CADPS2: variants seen among roughly 807,000 people sequenced by gnomAD.
The protein encoded by CADPS2 is calcium-dependent secretion activator 2.
CADPS2 carries 93 observed loss-of-function variants against 172.5 expected under a neutral mutation model. The observed-to-expected ratio is 0.54, with a 90% CI of 0.46 to 0.64. The LOEUF (loss-of-function observed/expected upper bound fraction) is 0.64. CADPS2 is among the 30% of genes least tolerant of loss of function. The pLI is 0.00. For synonymous variants in CADPS2, 546 were observed against 555.2 expected, an observed-to-expected ratio of 0.98 and a Z score of 0.23; for missense variants, 1,420 against 1,565.9, an observed-to-expected ratio of 0.91 and a Z score of 1.57.
chr7:122,408,242 A>G (rs1279574862), intron 19 of CADPS2, among the ~76,000 whole-genome samples: 1 of 151,762 alleles, frequency 6.6e-6, no homozygotes, highest in African/African-American at 2.4e-5. Flanking sequence ...GCTATTCTCA[A>G]TGATAGCGTA....
intron 5 of CADPS2, among the ~76,000 whole-genome samples, chr7:122,619,415 C>A (rs371627647): frequency 1.3e-5 from 2 of 150,668 alleles, no homozygotes; most frequent in African/African-American, 4.9e-5. Flanking sequence ...GAGTTTGAGA[C>A]CAACCTGGAC....
intron 1 of CADPS2, among the ~76,000 whole-genome samples, chr7:122,836,318 C>CA: frequency 6.6e-6 from 1 of 152,210 alleles, no homozygotes; most frequent in East Asian, 1.9e-4. Context: ...CCAGCCACTG[C>CA]AAAAACATGC....
chr7:122,838,594 A>G (rs1280719536), intron 1 of CADPS2, among the ~76,000 whole-genome samples: 1 of 152,242 alleles, frequency 6.6e-6, no homozygotes, highest in Admixed American at 6.5e-5. Flanking sequence ...AGGATACAAA[A>G]TCAATGTGCA....
At chr7:122,700,139 C>T (rs763681767) in intron 2 of CADPS2, among the ~76,000 whole-genome samples, 2 of 152,074 alleles carry the variant, frequency 1.3e-5, no homozygotes, top group African/African-American at 2.4e-5. Flanking sequence ...ACTTTCTTGG[C>T]GGTGAATCTC....
At chr7:122,835,797 G>A (rs188981805) in intron 1 of CADPS2, among the ~76,000 whole-genome samples, 1 of 152,296 alleles carries the variant, frequency 6.6e-6, no homozygotes, top group Admixed American at 6.5e-5. Flanking sequence ...CCAAACCTAT[G>A]TCTGATTGGT....
At chr7:122,367,295 CGAGA>C (rs201686419) in intron 25 of CADPS2, among the ~76,000 whole-genome samples, 5 of 150,386 alleles carry the variant, frequency 3.3e-5, no homozygotes, top group African/African-American at 4.9e-5. Context: ...AGAGAGAAAG[CGAGA>C]GAGAGAGAGA....
At chr7:122,487,132 C>T (rs538282432) in intron 11 of CADPS2, among the ~76,000 whole-genome samples, 38 of 151,612 alleles carry the variant, frequency 2.5e-4, no homozygotes, top group African/African-American at 9.2e-4. Flanking sequence ...TACTTCAAGC[C>T]TCCCAAGTGC....
chr7:122,741,049 C>T (rs544173266), intron 1 of CADPS2, among the ~76,000 whole-genome samples: 3 of 152,258 alleles, frequency 2.0e-5, no homozygotes, highest in African/African-American at 7.2e-5. Context: ...TTATTTACCA[C>T]ATAATTCTTA....
At chr7:122,434,849 C>CT (rs139865296) in intron 17 of CADPS2, among the ~76,000 whole-genome samples, 3,825 of 152,196 alleles carry the variant, frequency 0.025, 150 homozygotes, top group African/African-American at 0.088. Flanking sequence ...AGCATTTATG[C>CT]TTTTTATTCT....
At chr7:122,814,301 CATG>C (rs1185057396) in intron 1 of CADPS2, among the ~76,000 whole-genome samples, 1 of 151,804 alleles carries the variant, frequency 6.6e-6, no homozygotes, top group Non-Finnish European at 1.5e-5. Context: ...AAAATGATGA[CATG>C]ATATCTTCTT....
chr7:122,794,227 T>C (rs1394094629), intron 1 of CADPS2, among the ~76,000 whole-genome samples: 2 of 152,020 alleles, frequency 1.3e-5, no homozygotes, highest in Non-Finnish European at 2.9e-5. Flanking sequence ...CCTATCTCTT[T>C]TGGGGACACC....
chr7:122,347,269 G>GA (rs1258362869), intron 27 of CADPS2, among the ~76,000 whole-genome samples: 8 of 152,054 alleles, frequency 5.3e-5, no homozygotes, highest in Non-Finnish European at 8.8e-5. Context: ...CTCCCTAAAT[G>GA]AAAGAGAGTT....
chr7:122,861,828 C>T (rs1325368995), intron 1 of CADPS2, among the ~76,000 whole-genome samples: 2 of 152,132 alleles, frequency 1.3e-5, no homozygotes, highest in Non-Finnish European at 2.9e-5. Flanking sequence ...CAAAATAAAA[C>T]ATATTTAAAA....
In CADPS2 at chr7:122,393,434, T is replaced by C. The variant is rs760695535; in HGVS notation, c.2888+7A>G. 4 of 1,613,786 alleles carry C rather than the reference T, an allele frequency of 2.5e-6. No individual in the cohort carries two copies. In the South Asian group the frequency reaches 4.4e-5, roughly 18 times the overall value. On this transcript the variant is annotated splice_region_variant and intron_variant, in intron 21 of 29. Coordinates refer to ENST00000449022, the MANE Select transcript of CADPS2 (RefSeq NM_017954.11). ...GGTGCTCTACGGACACTAGGTAAGA[T>C]ACCTACTTGACAGGCTGCCATGTCT...
intron 27 of CADPS2, among the ~76,000 whole-genome samples, chr7:122,348,345 G>A (rs1233162334): frequency 1.3e-5 from 2 of 152,072 alleles, no homozygotes; most frequent in Non-Finnish European, 2.9e-5. Flanking sequence ...TCCACCACCT[G>A]AAACTAACAC....
At chr7:122,846,501 A>G (rs1297575979) in intron 1 of CADPS2, among the ~76,000 whole-genome samples, 1 of 152,228 alleles carries the variant, frequency 6.6e-6, no homozygotes, top group African/African-American at 2.4e-5. Context: ...ATGCCACCTC[A>G]GATTATTTAA....
chr7:122,782,120 G>A (rs961050106), intron 1 of CADPS2, among the ~76,000 whole-genome samples: 43 of 152,112 alleles, frequency 2.8e-4, no homozygotes, highest in African/African-American at 1.0e-3. Context: ...AATGCTTAGT[G>A]TGAGAATAAA....
At chr7:122,526,856 C>T (rs1376751513) in intron 8 of CADPS2, among the ~76,000 whole-genome samples, 1 of 152,116 alleles carries the variant, frequency 6.6e-6, no homozygotes, top group Non-Finnish European at 1.5e-5. Context: ...AGACTGCAAA[C>T]TCCATGAGGG....
At chr7:122,731,831 T>G (rs1277321450) in intron 2 of CADPS2, among the ~76,000 whole-genome samples, 1 of 151,746 alleles carries the variant, frequency 6.6e-6, no homozygotes, top group Non-Finnish European at 1.5e-5. Context: ...TTCTGGTCCG[T>G]CCCTCTACCA....
Sources: gnomAD v4.1 joint callset for allele counts (sites outside exome capture counted in the v4.1 genomes callset) on GRCh38, gnomAD v4.1.1 for gene constraint, MANE v1.5 for transcripts, NCBI Gene and HGNC (gene_info 2026-07-23, HGNC 2026-07-21) for gene names.